The following DCHS2 variants were observed in gnomAD, a reference collection of about 807,000 sequenced individuals.
DCHS2 encodes protocadherin-23.
Under a neutral mutation model 182.4 loss-of-function variants are expected in DCHS2, and 142 were observed. The ratio of observed to expected loss-of-function variants is 0.78; its 90% CI spans 0.68 to 0.89. The LOEUF (loss-of-function observed/expected upper bound fraction) is 0.89. DCHS2 is among the 40% of genes least tolerant of loss of function. DCHS2 has a pLI of 0.00. For missense variants in DCHS2, 4,319 were observed against 4,198.6 expected, an observed-to-expected ratio of 1.03 and a Z score of -0.79; for synonymous variants, 1,740 against 1,663.3, an observed-to-expected ratio of 1.05 and a Z score of -1.12.
chr4:154,491,081 G>A lies in DCHS2; in HGVS notation c.275C>T (p.Ala92Val), dbSNP rs1435916729. ...LVGDIRAGLP[A>V]AQQQEGSGFF... ...GCCGCTCCCCTCCTGCTGCTGCGCG[G>A]CCGGCAGCCCGGCGCGGATGTCACC... The change falls in exon 1 of 20, where the codon GCC (alanine) becomes GTC (valine). Residue 92 changes from alanine (A) to valine (V), a missense_variant. Coordinates refer to ENST00000357232, the MANE Select transcript of DCHS2 (RefSeq NM_001358235.2). The A allele has an allele frequency of 2.6e-6, 4 of 1,551,208 alleles. No homozygotes were observed. Among genetic ancestry groups the A allele is most frequent in the African/African-American group, 1.4e-5 (1 of 73,056 alleles).
chr4:154,456,334 A>G (rs1349047150), intron 1 of DCHS2, among the ~76,000 whole-genome samples: 3 of 152,270 alleles, frequency 2.0e-5, no homozygotes, highest in East Asian at 1.9e-4. Context: ...AGCCTCTTTT[A>G]TTTATCATCA....
intron 1 of DCHS2, among the ~76,000 whole-genome samples, chr4:154,394,271 G>T (rs1731839938): frequency 6.6e-6 from 1 of 152,118 alleles, no homozygotes; most frequent in Non-Finnish European, 1.5e-5. Context: ...ACTTAAATCA[G>T]CACTATTCTG....
chr4:154,245,154 A>G (rs868376295), intron 16 of DCHS2, among the ~76,000 whole-genome samples: 1 of 152,192 alleles, frequency 6.6e-6, no homozygotes, highest in Admixed American at 6.5e-5. Flanking sequence ...ATAAAAAAAT[A>G]TGAAGGTAGA....
intron 13 of DCHS2, among the ~76,000 whole-genome samples, chr4:154,294,614 A>G (rs1490650): frequency 0.3 from 45,318 of 152,188 alleles, 8,210 homozygotes; most frequent in Non-Finnish European, 0.41. Flanking sequence ...AAGAGTATTA[A>G]TATAGTTCCA....
chr4:154,376,336 T>C (rs1730890980), intron 2 of DCHS2, among the ~76,000 whole-genome samples: 1 of 152,046 alleles, frequency 6.6e-6, no homozygotes, highest in Admixed American at 6.6e-5. Flanking sequence ...TCAGAAAGGA[T>C]AGGGTCAGCA....
rs1728836584 is a variant in DCHS2, at chr4:154,491,498, C to G, written c.-143G>C. 1.4e-6 allele frequency: 2 copies of G among 1,403,022 alleles called. No individual in the cohort carries two copies. The highest frequency in any genetic ancestry group is 1.8e-6 in the Non-Finnish European group (2 of 1,084,434). 86.9% of individuals were successfully genotyped at this position (1,403,022 alleles called of 1,614,324 possible). A position where few individuals can be genotyped will look rare whatever the true frequency, so the allele number is the denominator to read the frequency against. On this transcript the variant is annotated 5_prime_UTR_variant, in exon 1 of 20. Transcript: ENST00000357232. ...AACAAACCGACGGCCCAGGAATTCC[C>G]GAGGTTACATCTGCAACTGGTGAAA...
chr4:154,322,315 A>G lies in DCHS2; in HGVS notation c.4176+16T>C, dbSNP rs1156763124. On this transcript the variant is annotated intron_variant, in intron 8 of 19. Transcript: ENST00000357232. ...ATCTTTAGATGTCCTTCCATATTTT[A>G]TGGTGACAACATTACCTGAATATTA... The G allele has an allele frequency of 6.2e-7, 1 of 1,612,102 alleles. No individual in the cohort carries two copies. Among genetic ancestry groups the G allele is most frequent in the African/African-American group, 1.3e-5 (1 of 74,882 alleles).
chr4:154,441,402 C>T (rs1157896268), intron 1 of DCHS2, among the ~76,000 whole-genome samples: 2 of 152,066 alleles, frequency 1.3e-5, no homozygotes, highest in Non-Finnish European at 2.9e-5. Context: ...TCTTTTTCCC[C>T]AACCTTCTTA....
At chr4:154,421,718 G>A (rs28588655) in intron 1 of DCHS2, among the ~76,000 whole-genome samples, 70,574 of 152,038 alleles carry the variant, frequency 0.46, 18,146 homozygotes, top group Middle Eastern at 0.65. Flanking sequence ...ACACGCTTTC[G>A]TCTGCTTTAA....
At chr4:154,403,304 A>G (rs1430255695) in intron 1 of DCHS2, among the ~76,000 whole-genome samples, 3 of 152,174 alleles carry the variant, frequency 2.0e-5, no homozygotes, top group African/African-American at 4.8e-5. Flanking sequence ...AATTTTGGGT[A>G]GATGCCCTTA....
intron 13 of DCHS2, among the ~76,000 whole-genome samples, chr4:154,276,253 T>G (rs1378882177): frequency 6.6e-6 from 1 of 152,150 alleles, no homozygotes; most frequent in African/African-American, 2.4e-5. Flanking sequence ...TAATTTACCT[T>G]TTACATTTTC....
At chr4:154,365,782 G>C (rs1199895798) in intron 3 of DCHS2, among the ~76,000 whole-genome samples, 1 of 151,454 alleles carries the variant, frequency 6.6e-6, no homozygotes, top group Non-Finnish European at 1.5e-5. Context: ...CTGAGAACCT[G>C]AGATTACAGG....
chr4:154,284,695 T>C (rs1561011014), intron 13 of DCHS2: 1 of 152,258 alleles, frequency 6.6e-6, no homozygotes, highest in Non-Finnish European at 1.5e-5. Flanking sequence ...GGAGGGAACA[T>C]TTAATCCAAC....
chr4:154,335,509 C>G (rs377765854), intron 3 of DCHS2, among the ~76,000 whole-genome samples: 3 of 152,226 alleles, frequency 2.0e-5, no homozygotes, highest in Non-Finnish European at 2.9e-5. Context: ...CAGCCTCAAA[C>G]TATACGACTG....
At chr4:154,429,797 C>A (rs1407408729) in intron 1 of DCHS2, among the ~76,000 whole-genome samples, 1 of 152,036 alleles carries the variant, frequency 6.6e-6, no homozygotes. Flanking sequence ...AAGCATCATC[C>A]AGTAGTGAGT....
chr4:154,451,177 T>C (rs944572897), intron 1 of DCHS2, among the ~76,000 whole-genome samples: 1 of 152,212 alleles, frequency 6.6e-6, no homozygotes, highest in Admixed American at 6.5e-5. Flanking sequence ...TGGCTTGAAG[T>C]GCCAGAGGCA....
chr4:154,326,459 CTATT>C (rs1348229723), intron 7 of DCHS2, among the ~76,000 whole-genome samples: 4 of 152,078 alleles, frequency 2.6e-5, no homozygotes, highest in African/African-American at 7.2e-5. Flanking sequence ...TTTTATTTAT[CTATT>C]TCTTTGTGAG....
intron 1 of DCHS2, among the ~76,000 whole-genome samples, chr4:154,465,439 C>A (rs757724239): frequency 6.6e-6 from 1 of 152,076 alleles, no homozygotes. Context: ...GAGACCAAGG[C>A]GGGTGGGTCA....
intron 13 of DCHS2, among the ~76,000 whole-genome samples, chr4:154,290,598 C>A (rs952060754): frequency 6.6e-6 from 1 of 151,938 alleles, no homozygotes; most frequent in African/African-American, 2.4e-5. Context: ...ACATATAAAC[C>A]AATGAAACAG....
Sources: gnomAD v4.1 joint callset for allele counts (sites outside exome capture counted in the v4.1 genomes callset) on GRCh38, gnomAD v4.1.1 for gene constraint, MANE v1.5 for transcripts, NCBI Gene and HGNC (gene_info 2026-07-23, HGNC 2026-07-21) for gene names.